The following PCDHA11 variants were observed in gnomAD, a reference collection of about 807,000 sequenced individuals.
PCDHA11 encodes the protein protocadherin alpha-11.
Under a neutral mutation model 70.3 loss-of-function variants are expected in PCDHA11, and 61 were observed. That is an observed-to-expected ratio of 0.87 (90% CI 0.71 to 1.07). The LOEUF (loss-of-function observed/expected upper bound fraction) is 1.07, where lower values mean the gene tolerates loss of function less well. PCDHA11 is among the 50% of genes least tolerant of loss of function. PCDHA11 has a pLI of 0.00. For missense variants in PCDHA11, 1,324 were observed against 1,237.5 expected (o/e 1.07, Z -1.05); for synonymous variants, 633 against 555.1 (o/e 1.14, Z -1.97).
At chr5:140,875,181 TAA>T (rs1554167538) in intron 1 of PCDHA11, 2 of 448,484 alleles carry the variant, frequency 4.5e-6, no homozygotes, top group East Asian at 4.2e-5. Flanking sequence ...ACATTAGAAT[TAA>T]GAGTGACCCA....
chr5:140,988,075 A>G (rs139957067), intron 3 of PCDHA11, among the ~76,000 whole-genome samples: 4 of 152,258 alleles, frequency 2.6e-5, no homozygotes, highest in Non-Finnish European at 4.4e-5. Flanking sequence ...TTTCTATTTC[A>G]TGAGTGAGTG....
chr5:140,897,161 G>C (rs1554187213), intron 1 of PCDHA11, among the ~76,000 whole-genome samples: 1 of 151,938 alleles, frequency 6.6e-6, no homozygotes, highest in African/African-American at 2.4e-5. Flanking sequence ...TTCTTCTACT[G>C]TCTATCTCCA....
intron 3 of PCDHA11, among the ~76,000 whole-genome samples, chr5:140,997,147 A>G (rs545988847): frequency 5.9e-5 from 9 of 152,134 alleles, no homozygotes; most frequent in African/African-American, 2.2e-4. Context: ...CCCCCGCCAC[A>G]GTGACATCCT....
chr5:140,929,154 T>C (rs1005551092), intron 1 of PCDHA11: 3 of 1,614,180 alleles, frequency 1.9e-6, no homozygotes, highest in Non-Finnish European at 1.7e-6. Context: ...CTCAGACTTA[T>C]CTCTATCGGG....
intron 1 of PCDHA11, among the ~76,000 whole-genome samples, chr5:140,924,898 AAAAAAAATAAAAT>A (rs1214088536): frequency 1.9e-4 from 10 of 53,034 alleles, no homozygotes; most frequent in Non-Finnish European, 1.3e-4. Context: ...CTGTCTCAAA[AAAAAAAATAAAAT>A]AAAATAAAAT....
intron 1 of PCDHA11, among the ~76,000 whole-genome samples, chr5:140,917,358 C>T (rs2153543502): frequency 6.7e-6 from 1 of 149,798 alleles, no homozygotes; most frequent in East Asian, 1.9e-4. Flanking sequence ...GCTTCTGTTC[C>T]ACTATCTTGC....
chr5:140,926,767 C>A (rs1323702990), intron 1 of PCDHA11: 1 of 1,359,024 alleles, frequency 7.4e-7, no homozygotes, highest in East Asian at 2.7e-5. Context: ...AGTATCCAGC[C>A]CGCAGCAGTG....
intron 1 of PCDHA11, among the ~76,000 whole-genome samples, chr5:140,925,337 A>G (rs2082438861): frequency 6.6e-6 from 1 of 152,072 alleles, no homozygotes; most frequent in South Asian, 2.1e-4. Flanking sequence ...TAAAAGAAGG[A>G]TTTGAGTGAG....
chr5:141,009,132 G>GA (rs1172401436), intron 3 of PCDHA11, among the ~76,000 whole-genome samples: 11 of 152,202 alleles, frequency 7.2e-5, no homozygotes, highest in African/African-American at 2.4e-4. Flanking sequence ...GTATCCTGGT[G>GA]AAAAAACCTG....
At chr5:140,914,065 C>CTCCA (rs2076587155) in intron 1 of PCDHA11, among the ~76,000 whole-genome samples, 1 of 152,106 alleles carries the variant, frequency 6.6e-6, no homozygotes. Flanking sequence ...GGATGAAATG[C>CTCCA]TCCATAACTA....
In PCDHA11 at chr5:140,915,351, C is replaced by G. The variant is rs75854979; in HGVS notation, c.2391+43857C>G. Among the ~76,000 whole-genome samples, 843 of 152,202 alleles carry G rather than the reference C, an allele frequency of 5.5e-3. 10 individuals carry two copies. Among genetic ancestry groups the G allele is most frequent in the African/African-American group, 0.019 (796 of 41,530 alleles). On this transcript the variant is annotated intron_variant, in intron 1 of 3. Coordinates refer to ENST00000398640, the MANE Select transcript of PCDHA11 (RefSeq NM_018902.5). ...TAATATTCTGTGTTTTTCTGTATGC[C>G]TATTCTTACCAGTAAGTGTCTCGGC...
At position 140,928,807 on chromosome 5, in the gene PCDHA11, C is replaced by T. The variant is rs782261335; in HGVS notation, c.2392-50142C>T. 6.2e-6 allele frequency: 10 copies of T among 1,614,094 alleles called. No homozygotes were observed. Among genetic ancestry groups the T allele is most frequent in the Non-Finnish European group, 8.5e-6 (10 of 1,180,020 alleles). On this transcript the variant is annotated intron_variant, in intron 1 of 3. Coordinates refer to ENST00000398640, the MANE Select transcript of PCDHA11 (RefSeq NM_018902.5). ...TAAGCAGAGGGTGGTGGTAGTGGTT[C>T]GGGACCATGGAGACCCACCACTTTC...
In PCDHA11 at chr5:141,011,598, G is replaced by A. The variant is rs530366689; in HGVS notation, c.*1661G>A. ...TTAAATCAAGATACTGGTGATTCAA[G>A]GAATTTTATTTATGGTCCAGCCAAG... On this transcript the variant is annotated 3_prime_UTR_variant, in exon 4 of 4. Transcript: ENST00000398640. 6.5e-6 allele frequency: 1 copy of A among 153,736 alleles called. No homozygotes were observed. Among genetic ancestry groups the A allele is most frequent in the Non-Finnish European group, 1.5e-5 (1 of 68,012 alleles). The allele number at this position is 153,736 out of a possible 1,614,324, so 9.5% of individuals were successfully genotyped here.
chr5:140,907,083 G>T (rs770380704), intron 1 of PCDHA11, among the ~76,000 whole-genome samples: 56 of 152,144 alleles, frequency 3.7e-4, no homozygotes, highest in Non-Finnish European at 7.1e-4. Context: ...AGGGGTGATG[G>T]TAAGTGGTGC....
At chr5:140,997,091 G>A (rs73268064) in intron 3 of PCDHA11, among the ~76,000 whole-genome samples, 546 of 152,154 alleles carry the variant, frequency 3.6e-3, no homozygotes, top group Middle Eastern at 0.014. Flanking sequence ...AGAAAGTGCA[G>A]AGTTCTCATG....
At chr5:140,966,642 G>C (rs897727830) in intron 1 of PCDHA11, 15 of 1,117,790 alleles carry the variant, frequency 1.3e-5, no homozygotes, top group Non-Finnish European at 1.8e-5. Context: ...GCGCTTTCTA[G>C]AGCGTGAGCG....
chr5:140,983,076 T>A (rs1390525890), intron 3 of PCDHA11, among the ~76,000 whole-genome samples: 1 of 152,168 alleles, frequency 6.6e-6, no homozygotes, highest in Non-Finnish European at 1.5e-5. Context: ...TTGTTTTGAG[T>A]TCAAGTCAAA....
At chr5:140,883,066 C>G in intron 1 of PCDHA11, 1 of 1,614,070 alleles carries the variant, frequency 6.2e-7, no homozygotes. Flanking sequence ...AGCTAAATGC[C>G]ACAGATCCTG....
intron 1 of PCDHA11, among the ~76,000 whole-genome samples, chr5:140,973,634 C>T (rs2096596343): frequency 6.6e-6 from 1 of 152,220 alleles, no homozygotes; most frequent in African/African-American, 2.4e-5. Flanking sequence ...ATCTTGTACA[C>T]ATTCTGACTG....
Sources: gnomAD v4.1 joint callset for allele counts (sites outside exome capture counted in the v4.1 genomes callset) on GRCh38, gnomAD v4.1.1 for gene constraint, MANE v1.5 for transcripts, NCBI Gene and HGNC (gene_info 2026-07-23, HGNC 2026-07-21) for gene names.